Variants in CPSF3 observed in about 807,000 individuals in gnomAD.
The protein encoded by CPSF3 is cleavage and polyadenylation specificity factor subunit 3.
A neutral mutation model predicts 84.1 loss-of-function variants in CPSF3; 57 were observed. That is an observed-to-expected ratio of 0.68 (90% CI 0.55 to 0.85). CPSF3 has a LOEUF of 0.85. Among genes scored for constraint, CPSF3 ranks in the 40% least tolerant of loss-of-function variants. The pLI is 0.00. For synonymous variants in CPSF3, 275 were observed against 278.1 expected, an observed-to-expected ratio of 0.99 and a Z score of 0.11; for missense variants, 522 against 838.8, an observed-to-expected ratio of 0.62 and a Z score of 4.66.
At chr2:9,464,359 C>A (rs1038979957) in intron 15 of CPSF3, among the ~76,000 whole-genome samples, 1 of 151,654 alleles carries the variant, frequency 6.6e-6, no homozygotes, top group East Asian at 1.9e-4. Context: ...TATATATATA[C>A]ATATATATAC....
rs774642292 is a variant in CPSF3 at position 9,433,856 on chromosome 2, T to G, written c.520-15T>G. 3.8e-6 allele frequency: 6 copies of G among 1,576,990 alleles called. No homozygotes were observed. The highest frequency in any genetic ancestry group is 5.2e-6 in the Non-Finnish European group (6 of 1,153,176). On this transcript the variant is annotated splice_polypyrimidine_tract_variant and intron_variant, in intron 5 of 17. Transcript: ENST00000238112. ...TTCCCCAAATCCTAACTTTCTAGTT[T>G]TATCTTTTTCACAGCTTTTGTACAC...
intron 7 of CPSF3, among the ~76,000 whole-genome samples, chr2:9,437,290 G>A (rs1680817043): frequency 6.6e-6 from 1 of 152,076 alleles, no homozygotes; most frequent in African/African-American, 2.4e-5. Context: ...TGTAGTTCCA[G>A]CTTTTCTGGA....
intron 1 of CPSF3, among the ~76,000 whole-genome samples, chr2:9,425,180 G>T (rs1333369438): frequency 6.6e-6 from 1 of 152,250 alleles, no homozygotes; most frequent in Non-Finnish European, 1.5e-5. Flanking sequence ...ACATATGAAA[G>T]TGAGAGTGGT....
chr2:9,436,156 T>C, intron 6 of CPSF3, 55 bp from the exon 7 acceptor site: 4 of 1,449,722 alleles, frequency 2.8e-6, no homozygotes, highest in Non-Finnish European at 3.7e-6. Flanking sequence ...TGTTTAACTT[T>C]TGAATTCTTG....
intron 10 of CPSF3, among the ~76,000 whole-genome samples, chr2:9,445,337 ATGT>A (rs1291804458): frequency 6.6e-6 from 1 of 152,174 alleles, no homozygotes; most frequent in Non-Finnish European, 1.5e-5. Context: ...TGTAGACCAC[ATGT>A]TGTTTATCCA....
chr2:9,438,421 G>GA (rs902838706), intron 7 of CPSF3, among the ~76,000 whole-genome samples: 4 of 151,698 alleles, frequency 2.6e-5, no homozygotes, highest in Non-Finnish European at 4.4e-5. Context: ...AAAACTAGAG[G>GA]ACAACTCATT....
At chr2:9,442,246 CTGTT>C (rs1342476977) in intron 9 of CPSF3, among the ~76,000 whole-genome samples, 2 of 152,118 alleles carry the variant, frequency 1.3e-5, no homozygotes, top group Admixed American at 6.5e-5. Context: ...GGACAGGAAC[CTGTT>C]TGAGACAAAC....
chr2:9,444,222 G>A (rs536267926), intron 10 of CPSF3, among the ~76,000 whole-genome samples: 116 of 146,732 alleles, frequency 7.9e-4, no homozygotes, highest in African/African-American at 2.8e-3. Context: ...TCCGCCTCCC[G>A]GGTTCAAGCA....
intron 14 of CPSF3, among the ~76,000 whole-genome samples, chr2:9,459,068 C>T (rs1038921697): frequency 1.4e-4 from 21 of 151,638 alleles, no homozygotes; most frequent in Middle Eastern, 3.4e-3. Flanking sequence ...GCCAAGATCA[C>T]GCCATTGCAC....
chr2:9,435,783 A>T (rs961730025), intron 6 of CPSF3, among the ~76,000 whole-genome samples: 9 of 151,540 alleles, frequency 5.9e-5, no homozygotes, highest in African/African-American at 2.2e-4. Context: ...CCCAGGCTGG[A>T]GTGCAATGGT....
At chr2:9,443,708 A>G (rs756113140) in intron 10 of CPSF3, 47 bp downstream of exon 10, 3 of 1,598,218 alleles carry the variant, frequency 1.9e-6, no homozygotes, top group South Asian at 1.1e-5. Flanking sequence ...AAAAAAGTGC[A>G]TACCCAGGAA....
rs541545326 is a variant in CPSF3, at chr2:9,451,780, G to A, written c.1396-1133G>A. 4.3e-4 allele frequency among the ~76,000 whole-genome samples: 65 copies of A among 149,436 alleles called. 1 individual carries two copies. Among genetic ancestry groups the A allele is most frequent in the Non-Finnish European group, 8.1e-4 (55 of 67,656 alleles). On this transcript the variant is annotated intron_variant, in intron 11 of 17. Transcript: ENST00000238112. ...TCTCCAGGCTGGAGTGCAGTGGCGC[G>A]ATCTCAGCTCACTGCAAGCTCCGCC...
At chr2:9,436,441 C>A in intron 7 of CPSF3, 80 bp downstream of exon 7, 1 of 1,430,302 alleles carries the variant, frequency 7.0e-7, no homozygotes, top group South Asian at 1.4e-5. Context: ...TTGGATGAGT[C>A]ATTCCACCGT....
At chr2:9,440,692 G>A in intron 8 of CPSF3, 26 bp downstream of exon 8, 1 of 1,612,130 alleles carries the variant, frequency 6.2e-7, no homozygotes, top group Non-Finnish European at 8.5e-7. Flanking sequence ...AGAAAGACAA[G>A]GATGGATAAA....
At chr2:9,470,215 C>A (rs1348241107) in intron 16 of CPSF3, among the ~76,000 whole-genome samples, 1 of 152,106 alleles carries the variant, frequency 6.6e-6, no homozygotes, top group African/African-American at 2.4e-5. Flanking sequence ...AGCAAGACTC[C>A]GTCTCAAAAT....
intron 15 of CPSF3, among the ~76,000 whole-genome samples, chr2:9,465,388 G>A (rs1476716279): frequency 6.6e-6 from 1 of 152,022 alleles, no homozygotes; most frequent in East Asian, 1.9e-4. Context: ...AGGTTACAGT[G>A]AGCTATGATT....
intron 7 of CPSF3, among the ~76,000 whole-genome samples, chr2:9,437,475 A>T (rs1680826961): frequency 6.6e-6 from 1 of 152,208 alleles, no homozygotes; most frequent in East Asian, 1.9e-4. Context: ...AAATGCACAC[A>T]CAAATGACTG....
chr2:9,423,887 G>C, intron 1 of CPSF3, 64 bp downstream of exon 1: 1 of 1,592,878 alleles, frequency 6.3e-7, no homozygotes, highest in Non-Finnish European at 8.5e-7. Context: ...GGTAACCGGA[G>C]ACTGGCCTCC....
intron 11 of CPSF3, among the ~76,000 whole-genome samples, chr2:9,449,100 C>T (rs895591156): frequency 2.0e-5 from 3 of 151,976 alleles, no homozygotes; most frequent in Non-Finnish European, 4.4e-5. Context: ...ATTAATCGGC[C>T]GGACACGGTG....
Sources: gnomAD v4.1 joint callset for allele counts (sites outside exome capture counted in the v4.1 genomes callset) on GRCh38, gnomAD v4.1.1 for gene constraint, MANE v1.5 for transcripts, NCBI Gene and HGNC (gene_info 2026-07-23, HGNC 2026-07-21) for gene names.